TPRG1: variants seen among roughly 807,000 people sequenced by gnomAD.
The protein encoded by TPRG1 is tumor protein p63-regulated gene 1 protein.
Under a neutral mutation model 29.3 loss-of-function variants are expected in TPRG1, and 29 were observed. The observed-to-expected ratio is 0.99, with a 90% CI of 0.74 to 1.35. The LOEUF is 1.35. Among genes scored for constraint, TPRG1 ranks in the 40% most tolerant of loss-of-function variants. The probability of loss-of-function intolerance (pLI) is 0.00; values close to 1 mark genes in which losing one functional copy is unlikely to be tolerated. For missense variants in TPRG1, 327 were observed against 335.0 expected (o/e 0.98, Z 0.19); for synonymous variants, 130 against 116.8 (o/e 1.11, Z -0.73).
At chr3:189,045,434 C>A (rs969054069) in intron 4 of TPRG1, among the ~76,000 whole-genome samples, 10 of 152,256 alleles carry the variant, frequency 6.6e-5, no homozygotes, top group Admixed American at 5.2e-4. Flanking sequence ...ATTTTGTGGA[C>A]AAATGTAAGT....
chr3:189,080,413 C>CA (rs34027948), intron 4 of TPRG1, among the ~76,000 whole-genome samples: 1 of 152,126 alleles, frequency 6.6e-6, no homozygotes, highest in African/African-American at 2.4e-5. Context: ...GCAGACACTG[C>CA]AAAAATACAC....
In TPRG1 at chr3:189,006,556, A is replaced by C. The variant is rs147916049; in HGVS notation, c.-660+1796A>C. On this transcript the variant is annotated intron_variant, in intron 3 of 10. Coordinates refer to the TPRG1 transcript ENST00000433971. The stretch of plus-strand genomic sequence containing the variant: ...GGCAGGCAGATACACTCTGACAACT[A>C]TAATGGAGTTCTAATCACAAGGCAA... 7.7e-4 allele frequency among the ~76,000 whole-genome samples: 117 copies of C among 152,236 alleles called. 1 individual carries two copies. Among genetic ancestry groups the C allele is most frequent in the African/African-American group, 2.7e-3 (111 of 41,554 alleles).
At chr3:189,065,687 A>T (rs1716392534) in intron 4 of TPRG1, among the ~76,000 whole-genome samples, 1 of 152,160 alleles carries the variant, frequency 6.6e-6, no homozygotes, top group African/African-American at 2.4e-5. Context: ...ATCTACAAAA[A>T]AACTGTAGCT....
At chr3:189,185,909 T>G (rs574890787) in intron 1 of TPRG1, among the ~76,000 whole-genome samples, 9 of 152,328 alleles carry the variant, frequency 5.9e-5, no homozygotes, top group African/African-American at 2.2e-4. Flanking sequence ...AGATTTTTAT[T>G]TGTCATTTAA....
chr3:189,256,207 G>T (rs887941083), intron 4 of TPRG1, among the ~76,000 whole-genome samples: 5 of 152,146 alleles, frequency 3.3e-5, no homozygotes, highest in Non-Finnish European at 7.4e-5. Flanking sequence ...ATTTTGGTAT[G>T]TTGTGTCTTT....
At chr3:189,243,685 C>G (rs1453265164) in intron 4 of TPRG1, among the ~76,000 whole-genome samples, 1 of 152,184 alleles carries the variant, frequency 6.6e-6, no homozygotes, top group Non-Finnish European at 1.5e-5. Context: ...CAGGTCACAT[C>G]TTGAATGTGT....
intron 4 of TPRG1, among the ~76,000 whole-genome samples, chr3:189,048,127 T>C (rs568230873): frequency 6.6e-6 from 1 of 152,350 alleles, no homozygotes; most frequent in Non-Finnish European, 1.5e-5. Flanking sequence ...CAAAATGTAT[T>C]TCTTAAGACC....
At chr3:189,026,182 TGGGG>T (rs1713652180) in intron 4 of TPRG1, among the ~76,000 whole-genome samples, 1 of 152,222 alleles carries the variant, frequency 6.6e-6, no homozygotes. Context: ...TGGTTTCTGA[TGGGG>T]CCTCTCTTCC....
At chr3:189,162,570 G>T (rs1645801146) in intron 5 of TPRG1, among the ~76,000 whole-genome samples, 1 of 152,124 alleles carries the variant, frequency 6.6e-6, no homozygotes, top group East Asian at 1.9e-4. Flanking sequence ...GGAAGTGGTG[G>T]GGTTTACATC....
At chr3:189,104,650 T>C (rs2378463) in intron 1 of TPRG1, among the ~76,000 whole-genome samples, 65,087 of 151,242 alleles carry the variant, frequency 0.43, 18,979 homozygotes, top group African/African-American at 0.82. Flanking sequence ...TTAAGAACCC[T>C]CGGTCTACTA....
At chr3:189,135,185 C>T (rs1160659912) in intron 3 of TPRG1, among the ~76,000 whole-genome samples, 1 of 152,128 alleles carries the variant, frequency 6.6e-6, no homozygotes, top group Non-Finnish European at 1.5e-5. Context: ...GTCCCTCTGA[C>T]CCTAAAAATC....
In TPRG1 at chr3:189,027,747, G is replaced by A. The variant is rs570412381; in HGVS notation, c.-463+3801G>A. On this transcript the variant is annotated intron_variant, in intron 4 of 10. Coordinates refer to the TPRG1 transcript ENST00000433971. ...CATATGTTTTGTAAACATAAGAAAG[G>A]AAGTGATTCCAATGGATAGGAAAAG... is the stretch of plus-strand genomic sequence containing the variant. 2.6e-5 allele frequency among the ~76,000 whole-genome samples: 4 copies of A among 152,226 alleles called. No homozygotes were observed. The East Asian group carries it at 7.7e-4, about 29-fold the overall frequency.
At chr3:189,098,759 G>A (rs1483110710), upstream of TPRG1, among the ~76,000 whole-genome samples, 1 of 152,144 alleles carries the variant, frequency 6.6e-6, no homozygotes, top group Non-Finnish European at 1.5e-5. Context: ...TAATTTCCAA[G>A]CCTTGTGGTT....
chr3:189,017,848 A>G (rs1278719222), intron 3 of TPRG1, among the ~76,000 whole-genome samples: 1 of 152,086 alleles, frequency 6.6e-6, no homozygotes, highest in Non-Finnish European at 1.5e-5. Flanking sequence ...TCCCACCAAC[A>G]GTGTAAAAGT....
At chr3:189,217,954 C>T in intron 3 of TPRG1, 1 of 985,312 alleles carries the variant, frequency 1.0e-6, no homozygotes, top group South Asian at 4.7e-5. Context: ...CAACAGCAAC[C>T]ACAAAACAAA....
chr3:189,222,447 C>T (rs1737082390), intron 3 of TPRG1, among the ~76,000 whole-genome samples: 1 of 152,146 alleles, frequency 6.6e-6, no homozygotes, highest in African/African-American at 2.4e-5. Context: ...TTCTACTCAA[C>T]CCCATGGATT....
chr3:189,179,050 T>C (rs936585814), intron 1 of TPRG1, among the ~76,000 whole-genome samples: 5 of 152,240 alleles, frequency 3.3e-5, no homozygotes, highest in Non-Finnish European at 5.9e-5. Context: ...TACAGTTTTT[T>C]ATACCTTTAC....
At chr3:189,297,417 C>T (rs1010609686) in intron 4 of TPRG1, among the ~76,000 whole-genome samples, 3 of 152,110 alleles carry the variant, frequency 2.0e-5, no homozygotes, top group African/African-American at 7.2e-5. Context: ...TCTAGCTGTG[C>T]CCATCCCCGC....
At chr3:189,187,553 G>A (rs761039843) in intron 1 of TPRG1, among the ~76,000 whole-genome samples, 3 of 151,520 alleles carry the variant, frequency 2.0e-5, no homozygotes, top group Non-Finnish European at 4.4e-5. Context: ...TCCTGACCTC[G>A]TGATCCACCT....
Sources: gnomAD v4.1 joint callset for allele counts (sites outside exome capture counted in the v4.1 genomes callset) on GRCh38, gnomAD v4.1.1 for gene constraint, MANE v1.5 for transcripts, NCBI Gene and HGNC (gene_info 2026-07-23, HGNC 2026-07-21) for gene names.